Variants in ANO3 observed in about 807,000 individuals in gnomAD.
The protein encoded by ANO3 is anoctamin-3.
Under a neutral mutation model 144.8 loss-of-function variants are expected in ANO3, and 99 were observed. The ratio of observed to expected loss-of-function variants is 0.68; its 90% CI spans 0.58 to 0.81. The LOEUF (loss-of-function observed/expected upper bound fraction) is 0.81. Among genes scored for constraint, ANO3 ranks in the 30% least tolerant of loss-of-function variants. The probability of loss-of-function intolerance (pLI) is 0.00; values close to 1 mark genes in which losing one functional copy is unlikely to be tolerated. For synonymous variants in ANO3, 414 were observed against 392.6 expected (o/e 1.05, Z -0.64); for missense variants, 905 against 1,202.2 (o/e 0.75, Z 3.66).
At chr11:26,319,240 C>T (rs1366303306) in intron 1 of ANO3, among the ~76,000 whole-genome samples, 1 of 151,904 alleles carries the variant, frequency 6.6e-6, no homozygotes, top group Non-Finnish European at 1.5e-5. Context: ...CTCAAGTGAT[C>T]CTCCCACCTC....
chr11:26,531,345 C>G lies in ANO3; in HGVS notation c.869+9C>G. The stretch of plus-strand genomic sequence containing the variant: ...CGTGCACGGATTCACCAGTGAGTTC[C>G]CCTCTTTTTTCATACTGCCTACCTT... On this transcript the variant is annotated intron_variant, in intron 8 of 26. Transcript: ENST00000256737. The G allele has an allele frequency of 6.3e-7, 1 of 1,596,944 alleles. No individual in the cohort carries two copies. Among genetic ancestry groups the G allele is most frequent in the Non-Finnish European group, 8.5e-7 (1 of 1,173,400 alleles).
chr11:26,534,407 G>A, intron 8 of ANO3, 49 bp from the exon 9 acceptor site: 1 of 1,233,728 alleles, frequency 8.1e-7, no homozygotes, highest in Non-Finnish European at 1.2e-6. Context: ...ACTATTGCTG[G>A]ATTCTGTGTT....
intron 6 of ANO3, among the ~76,000 whole-genome samples, chr11:26,520,061 T>C (rs1410408167): frequency 6.6e-6 from 1 of 152,210 alleles, no homozygotes; most frequent in Non-Finnish European, 1.5e-5. Flanking sequence ...CAAGGAACTC[T>C]TAGTGATGGA....
At chr11:26,385,844 CACACACATAT>C (rs1167232127) in intron 1 of ANO3, among the ~76,000 whole-genome samples, 2 of 150,754 alleles carry the variant, frequency 1.3e-5, no homozygotes, top group Non-Finnish European at 3.0e-5. Context: ...CACACACACA[CACACACATAT>C]ATATGTGGTG....
chr11:26,553,225 T>C lies in ANO3; in HGVS notation c.1290-24T>C, dbSNP rs780175936. 4.8e-6 allele frequency: 6 copies of C among 1,255,404 alleles called. 1 individual carries two copies. Among genetic ancestry groups the C allele is most frequent in the Non-Finnish European group, 6.5e-6 (6 of 917,744 alleles). 77.8% of individuals were successfully genotyped at this position (1,255,404 alleles called of 1,614,324 possible). A position where few individuals can be genotyped will look rare whatever the true frequency, so the allele number is the denominator to read the frequency against. On this transcript the variant is annotated intron_variant, in intron 12 of 26. Transcript: ENST00000256737. ...CAGTTTCATGCTATGTTTTGTTTTG[T>C]TTTTGTTTTTGTTTTTTCTCAAGCC...
intron 1 of ANO3, among the ~76,000 whole-genome samples, chr11:26,441,112 T>TTTG (rs1858495864): frequency 1.9e-5 from 2 of 103,906 alleles, no homozygotes; most frequent in Non-Finnish European, 4.2e-5. Context: ...CCCAGTTTTT[T>TTTG]TTTTTTTTTT....
At chr11:26,247,477 T>C (rs1439620030) in intron 1 of ANO3, among the ~76,000 whole-genome samples, 1 of 152,240 alleles carries the variant, frequency 6.6e-6, no homozygotes, top group African/African-American at 2.4e-5. Context: ...GGGAACATGC[T>C]TCATCAGTCA....
chr11:26,527,645 A>C (rs1349191388), intron 7 of ANO3, among the ~76,000 whole-genome samples: 1 of 152,092 alleles, frequency 6.6e-6, no homozygotes, highest in East Asian at 1.9e-4. Flanking sequence ...TCACATGCTT[A>C]GTTTTGACCG....
At chr11:26,197,386 T>C (rs1406609873) in intron 1 of ANO3, among the ~76,000 whole-genome samples, 2 of 152,194 alleles carry the variant, frequency 1.3e-5, no homozygotes, top group African/African-American at 4.8e-5. Context: ...TCTCACTCTG[T>C]CACCCAGGCT....
chr11:26,217,157 TCTC>T (rs1306141688), intron 1 of ANO3, among the ~76,000 whole-genome samples: 3 of 152,056 alleles, frequency 2.0e-5, no homozygotes, highest in Admixed American at 1.3e-4. Flanking sequence ...ATATGGATTT[TCTC>T]CTATTTTATT....
intron 1 of ANO3, among the ~76,000 whole-genome samples, chr11:26,341,093 G>A (rs1157381525): frequency 2.1e-4 from 31 of 145,346 alleles, no homozygotes; most frequent in South Asian, 2.3e-4. Context: ...TCCCCTCCCC[G>A]CTTCTCTTCC....
chr11:26,327,003 A>G (rs1854901902), intron 1 of ANO3, among the ~76,000 whole-genome samples: 1 of 152,240 alleles, frequency 6.6e-6, no homozygotes. Context: ...TTATGAAATT[A>G]TCTGCCTAGA....
intron 1 of ANO3, among the ~76,000 whole-genome samples, chr11:26,191,996 T>C (rs981588887): frequency 9.9e-5 from 15 of 152,202 alleles, no homozygotes; most frequent in South Asian, 2.1e-4. Flanking sequence ...ATAAAAATTA[T>C]GATTAAATAA....
intron 1 of ANO3, among the ~76,000 whole-genome samples, chr11:26,322,548 A>T (rs931786233): frequency 2.0e-5 from 3 of 152,030 alleles, no homozygotes; most frequent in Non-Finnish European, 2.9e-5. Flanking sequence ...TGACAGTTTT[A>T]AGGATTATTG....
chr11:26,387,328 C>T (rs1385412160), intron 1 of ANO3, among the ~76,000 whole-genome samples: 5 of 151,718 alleles, frequency 3.3e-5, no homozygotes, highest in Non-Finnish European at 7.4e-5. Flanking sequence ...TTTCTAATTC[C>T]ATGTCCTTTA....
rs1411703035 is a variant in ANO3, at chr11:26,595,457, G to GTTTTTTTT, written c.1448-2906_1448-2905insTTTTTTTT. 3.2e-3 allele frequency among the ~76,000 whole-genome samples: 216 copies of GTTTTTTTT among 67,776 alleles called. 5 individuals carry two copies. The highest frequency in any genetic ancestry group is 9.4e-3 in the African/African-American group (143 of 15,266). 44.5% of individuals were successfully genotyped at this position (67,776 alleles called of 152,430 possible). ...ACTTTTGACTCAGTATTGAGATAGA[G>GTTTTTTTT]TTGTTTTTTTTTTTTTTTTTTTTTT... On this transcript the variant is annotated intron_variant, in intron 14 of 26. Coordinates refer to ENST00000256737, the MANE Select transcript of ANO3 (RefSeq NM_031418.4).
chr11:26,408,891 C>T (rs1247778870), intron 1 of ANO3, among the ~76,000 whole-genome samples: 4 of 151,362 alleles, frequency 2.6e-5, no homozygotes, highest in Non-Finnish European at 5.9e-5. Context: ...AACCAAACAC[C>T]ACATGTTCTC....
intron 4 of ANO3, among the ~76,000 whole-genome samples, chr11:26,505,072 T>TGGC (rs1316536044): frequency 1.3e-5 from 2 of 148,734 alleles, no homozygotes; most frequent in Admixed American, 1.3e-4. Flanking sequence ...GAGACAAGCC[T>TGGC]GGCTACTGCA....
intron 14 of ANO3, among the ~76,000 whole-genome samples, chr11:26,597,114 C>T (rs1851654069): frequency 6.6e-6 from 1 of 152,184 alleles, no homozygotes. Flanking sequence ...TTCAGTATTA[C>T]TCACCGCTTT....
Sources: gnomAD v4.1 joint callset for allele counts (sites outside exome capture counted in the v4.1 genomes callset) on GRCh38, gnomAD v4.1.1 for gene constraint, MANE v1.5 for transcripts, NCBI Gene and HGNC (gene_info 2026-07-23, HGNC 2026-07-21) for gene names.